SCN10A: variants seen among roughly 807,000 people sequenced by gnomAD.
SCN10A encodes the protein sodium voltage-gated channel alpha subunit 10, also known as sodium channel protein type 10 subunit alpha.
SCN10A carries 162 observed loss-of-function variants against 170.7 expected under a neutral mutation model. The observed-to-expected ratio is 0.95, with a 90% confidence interval of 0.84 to 1.08. SCN10A has a LOEUF of 1.08. Among genes scored for constraint, SCN10A ranks in the 50% least tolerant of loss-of-function variants. SCN10A has a pLI of 0.00. For missense variants in SCN10A, 2,527 were observed against 2,436.9 expected (o/e 1.04, Z -0.78); for synonymous variants, 985 against 904.6 (o/e 1.09, Z -1.59).
intron 13 of SCN10A, among the ~76,000 whole-genome samples, chr3:38,745,391 T>C (rs865819153): frequency 2.0e-5 from 3 of 152,200 alleles, no homozygotes; most frequent in Non-Finnish European, 2.9e-5. Context: ...CTGTTGAATA[T>C]ACCCTTTCTT....
At chr3:38,799,770 G>C (rs1217343439) in intron 1 of SCN10A, among the ~76,000 whole-genome samples, 1 of 152,044 alleles carries the variant, frequency 6.6e-6, no homozygotes, top group Non-Finnish European at 1.5e-5. Context: ...AATTTTTTCA[G>C]GTGATTTATT....
chr3:38,775,292 T>TAG (rs2064059255), intron 4 of SCN10A, among the ~76,000 whole-genome samples: 1 of 152,164 alleles, frequency 6.6e-6, no homozygotes, highest in Admixed American at 6.6e-5. Flanking sequence ...TCTCCATGAA[T>TAG]TTGCCTGTTC....
Position 38,709,506 on chromosome 3 carries a change from A to G in SCN10A, c.4253T>C (p.Ile1418Thr), listed in dbSNP as rs566913539. 3.1e-6 allele frequency: 5 copies of G among 1,612,294 alleles called. No homozygotes were observed. Among genetic ancestry groups the G allele is most frequent in the East Asian group, 2.2e-5 (1 of 44,834 alleles). The change falls in exon 25 of 28, where the codon ATT (isoleucine) becomes ACT (threonine). Residue 1418 changes from isoleucine to threonine, a missense_variant. Physicochemically the swap from Ile to Thr is moderately conservative, Grantham distance 89. Coordinates refer to ENST00000449082, the MANE Select transcript of SCN10A (RefSeq NM_006514.4). ...FTLNLFVGVI[I>T]DNFNQQKKKL... Reference sequence around the variant, plus strand: ...TTTTTTCTGTTGATTGAAGTTGTCAATTATGACCCCAACAAAGAGATTCAG... The same window carrying G: ...TTTTTTCTGTTGATTGAAGTTGTCAGTTATGACCCCAACAAAGAGATTCAG...
At chr3:38,741,194 A>G (rs1402945045) in intron 14 of SCN10A, among the ~76,000 whole-genome samples, 2 of 152,090 alleles carry the variant, frequency 1.3e-5, no homozygotes, top group African/African-American at 2.4e-5. Flanking sequence ...TGGTGAATCC[A>G]GTAGGTCACC....
At chr3:38,761,454 G>T in intron 6 of SCN10A, 71 bp from the exon 7 acceptor site, 1 of 1,355,456 alleles carries the variant, frequency 7.4e-7, no homozygotes, top group Non-Finnish European at 1.0e-6. Flanking sequence ...CTTCATCTTA[G>T]CCATCCTCCT....
At chr3:38,706,663 T>C (rs2125985725) in intron 26 of SCN10A, among the ~76,000 whole-genome samples, 1 of 152,318 alleles carries the variant, frequency 6.6e-6, no homozygotes, top group Non-Finnish European at 1.5e-5. Flanking sequence ...GTATGGGTAG[T>C]ACATTTAATG....
intron 4 of SCN10A, among the ~76,000 whole-genome samples, chr3:38,774,683 C>T (rs1389889378): frequency 6.6e-6 from 1 of 152,178 alleles, no homozygotes; most frequent in African/African-American, 2.4e-5. Flanking sequence ...AGATACCCAA[C>T]TTGTATTCAT....
At position 38,740,874 on chromosome 3, in the gene SCN10A, G is replaced by C. The variant is rs544173340; in HGVS notation, c.2107-1186C>G. Among the ~76,000 whole-genome samples the C allele has an allele frequency of 1.6e-4, 25 of 152,346 alleles. No individual in the cohort carries two copies. In the South Asian group the frequency reaches 5.2e-3, roughly 32 times the overall value. ...ACTTTTCTAACTGTAGAATGAGGGTGTGGGCTCAAATGTCTATTCCATAAG... is the reference window on the plus strand; with the variant it reads ...ACTTTTCTAACTGTAGAATGAGGGTCTGGGCTCAAATGTCTATTCCATAAG... On this transcript the variant is annotated intron_variant, in intron 14 of 27. Transcript: ENST00000449082.
At chr3:38,724,861 T>A (rs1306077755) in intron 18 of SCN10A, among the ~76,000 whole-genome samples, 2 of 152,188 alleles carry the variant, frequency 1.3e-5, no homozygotes, top group Non-Finnish European at 2.9e-5. Context: ...GTTTCATAGA[T>A]GAATAAATGG....
chr3:38,739,578 C>T lies in SCN10A; in HGVS notation c.2217G>A (p.Val739=), dbSNP rs1206142274. ...TGGCCACGCCCAGCTCTAGCAGACT[C>T]ACAGTGACGATGATGCAGTCAAAGA... ...WNIFDCIIVT[V]SLLELGVAKK... The change falls in exon 15 of 28, where the codon GTG becomes GTA. Residue 739 remains valine, a synonymous_variant. Transcript: ENST00000449082. 3 of 1,614,162 alleles carry T rather than the reference C, an allele frequency of 1.9e-6. No homozygotes were observed. Among genetic ancestry groups the T allele is most frequent in the Non-Finnish European group, 2.5e-6 (3 of 1,179,994 alleles).
chr3:38,724,777 A>G (rs2063434259), intron 18 of SCN10A, among the ~76,000 whole-genome samples: 1 of 152,226 alleles, frequency 6.6e-6, no homozygotes, highest in African/African-American at 2.4e-5. Context: ...TGTCTCAGGC[A>G]GGACCTAAAC....
chr3:38,700,059 T>A (rs1273014339), intron 27 of SCN10A, among the ~76,000 whole-genome samples: 1 of 152,192 alleles, frequency 6.6e-6, no homozygotes, highest in Non-Finnish European at 1.5e-5. Flanking sequence ...CTCCCTTCTT[T>A]AATATAAAAT....
At chr3:38,772,761 A>G (rs1399265767) in intron 4 of SCN10A, among the ~76,000 whole-genome samples, 5 of 151,954 alleles carry the variant, frequency 3.3e-5, no homozygotes, top group East Asian at 1.9e-4. Context: ...CTGTACTAAT[A>G]TTTTTAGAGA....
intron 4 of SCN10A, among the ~76,000 whole-genome samples, chr3:38,788,751 A>T (rs974168852): frequency 6.6e-6 from 1 of 152,182 alleles, no homozygotes; most frequent in African/African-American, 2.4e-5. Flanking sequence ...ACTAATCTGT[A>T]TCTCTTTGAA....
At chr3:38,721,285 G>T (rs6767699) in intron 20 of SCN10A, among the ~76,000 whole-genome samples, 2 of 152,140 alleles carry the variant, frequency 1.3e-5, no homozygotes, top group Non-Finnish European at 2.9e-5. Context: ...GCCGTGAATC[G>T]GAAGAGCGGG....
intron 5 of SCN10A, among the ~76,000 whole-genome samples, chr3:38,767,344 C>T (rs1426607180): frequency 6.6e-6 from 1 of 151,272 alleles, no homozygotes; most frequent in Non-Finnish European, 1.5e-5. Context: ...ATCTATTTGT[C>T]CTCTTTCATA....
chr3:38,703,588 G>C (rs1236331801), intron 26 of SCN10A, among the ~76,000 whole-genome samples: 1 of 152,166 alleles, frequency 6.6e-6, no homozygotes, highest in Non-Finnish European at 1.5e-5. Context: ...GTCTGATATT[G>C]CCTAGTACCC....
chr3:38,755,798 T>C lies in SCN10A; in HGVS notation c.1451A>G (p.Gln484Arg). The change falls in exon 11 of 28, where the codon CAG becomes CGG. Residue 484 changes from glutamine (Q) to arginine (R), a missense_variant. Gln to Arg is a conservative substitution (Grantham distance 43). Coordinates refer to ENST00000449082, the MANE Select transcript of SCN10A (RefSeq NM_006514.4). ...NKSPRSDPYN[Q>R]RRMSFLGLAS... Reference sequence around the variant, plus strand: ...ACCTGAGCCTCTTACCATCCTGCGCTGGTTGTAAGGATCAGAGCGGGGTGA... The same window carrying C: ...ACCTGAGCCTCTTACCATCCTGCGCCGGTTGTAAGGATCAGAGCGGGGTGA... 6.2e-7 allele frequency: 1 copy of C among 1,613,758 alleles called. No individual in the cohort carries two copies. The highest frequency in any genetic ancestry group is 8.5e-7 in the Non-Finnish European group (1 of 1,180,024).
At chr3:38,761,837 TGAGAGAGAGAGA>T (rs772881421) in intron 6 of SCN10A, among the ~76,000 whole-genome samples, 3 of 144,646 alleles carry the variant, frequency 2.1e-5, no homozygotes, top group Non-Finnish European at 3.0e-5. Context: ...TGTGTGTGTG[TGAGAGAGAGAGA>T]GAGAGAGAGA....
Sources: allele counts gnomAD v4.1 joint callset (sites outside exome capture counted in the v4.1 genomes callset), GRCh38; gene constraint gnomAD v4.1.1; transcripts MANE v1.5; gene names NCBI Gene and HGNC (gene_info 2026-07-23, HGNC 2026-07-21).